SUGCT: variants seen among roughly 807,000 people sequenced by gnomAD.
SUGCT encodes the protein succinyl-CoA:glutarate-CoA transferase.
In SUGCT, 41 loss-of-function variants were observed where a neutral mutation model predicts 55.0. That is an observed-to-expected ratio of 0.74 (90% CI 0.58 to 0.97). The LOEUF (loss-of-function observed/expected upper bound fraction) is 0.97, where lower values mean the gene tolerates loss of function less well. Among genes scored for constraint, SUGCT ranks in the 50% least tolerant of loss-of-function variants. The pLI, the probability that SUGCT is intolerant of heterozygous loss-of-function variation, is 0.00. For missense variants in SUGCT, 568 were observed against 547.8 expected (o/e 1.04, Z -0.37); for synonymous variants, 187 against 200.4 (o/e 0.93, Z 0.56).
intron 13 of SUGCT, among the ~76,000 whole-genome samples, chr7:40,795,437 T>C (rs1790504182): frequency 6.6e-6 from 1 of 152,148 alleles, no homozygotes; most frequent in Non-Finnish European, 1.5e-5. Flanking sequence ...GCTTCTCTCC[T>C]AAAAACAGCT....
intron 12 of SUGCT, among the ~76,000 whole-genome samples, chr7:40,508,567 G>A (rs1792742409): frequency 6.6e-6 from 1 of 151,728 alleles, no homozygotes. Flanking sequence ...GAGCTTGGTA[G>A]TGATGGTGGA....
chr7:40,282,486 AAAAC>A (rs1471018352), intron 8 of SUGCT, among the ~76,000 whole-genome samples: 2 of 108,054 alleles, frequency 1.9e-5, no homozygotes, highest in Non-Finnish European at 4.4e-5. Context: ...TGAAAAAACA[AAAAC>A]AAAAACAAAC....
At chr7:40,872,533 C>T in the SUGCT span, among the ~76,000 whole-genome samples, 1 of 152,152 alleles carries the variant, frequency 6.6e-6, no homozygotes, top group Non-Finnish European at 1.5e-5. Flanking sequence ...TATAAGTTGT[C>T]CAAGCGACAC....
At chr7:40,185,659 A>G (rs1403745079) in intron 3 of SUGCT, among the ~76,000 whole-genome samples, 1 of 152,054 alleles carries the variant, frequency 6.6e-6, no homozygotes, top group African/African-American at 2.4e-5. Context: ...AGTAGTTGGG[A>G]TTACAGGCAT....
At chr7:40,925,257 T>A in the SUGCT span, among the ~76,000 whole-genome samples, 1 of 152,218 alleles carries the variant, frequency 6.6e-6, no homozygotes, top group Non-Finnish European at 1.5e-5. Context: ...AAATTCACAC[T>A]GAAAATGGTT....
the SUGCT span, among the ~76,000 whole-genome samples, chr7:40,867,035 C>A: frequency 6.6e-6 from 1 of 151,664 alleles, no homozygotes; most frequent in Non-Finnish European, 1.5e-5. Context: ...AAAGAGGACT[C>A]TGACAGTTGT....
At chr7:40,344,071 C>T (rs1797190767) in intron 9 of SUGCT, among the ~76,000 whole-genome samples, 1 of 152,132 alleles carries the variant, frequency 6.6e-6, no homozygotes, top group Non-Finnish European at 1.5e-5. Flanking sequence ...TGTGTTGGCT[C>T]CAGATGGTGA....
At chr7:40,582,777 T>G (rs1171327733) in intron 12 of SUGCT, among the ~76,000 whole-genome samples, 1 of 152,194 alleles carries the variant, frequency 6.6e-6, no homozygotes, top group Non-Finnish European at 1.5e-5. Flanking sequence ...GCTTCCTCAT[T>G]GGGTGGGCCC....
intron 12 of SUGCT, among the ~76,000 whole-genome samples, chr7:40,708,337 A>G (rs1015934616): frequency 6.6e-6 from 1 of 152,200 alleles, no homozygotes; most frequent in African/African-American, 2.4e-5. Context: ...TGCATTGAGT[A>G]TGTAGAGTGT....
chr7:40,392,136 G>C (rs918594062), intron 9 of SUGCT, among the ~76,000 whole-genome samples: 1 of 152,156 alleles, frequency 6.6e-6, no homozygotes, highest in African/African-American at 2.4e-5. Flanking sequence ...GCCTGTCGTG[G>C]AGTGGGGAGA....
intron 8 of SUGCT, among the ~76,000 whole-genome samples, chr7:40,287,490 C>A (rs1160143528): frequency 4.0e-5 from 6 of 149,562 alleles, no homozygotes; most frequent in Non-Finnish European, 7.4e-5. Flanking sequence ...GTGTTTTTTC[C>A]CTTGATACTC....
the SUGCT span, among the ~76,000 whole-genome samples, chr7:41,026,023 G>A: frequency 0.04 from 6,070 of 152,224 alleles, 240 homozygotes; most frequent in South Asian, 0.18. Context: ...ATTCACATCG[G>A]GATTTCTCTG....
chr7:40,634,095 A>G (rs1217045470), intron 12 of SUGCT, among the ~76,000 whole-genome samples: 1 of 152,182 alleles, frequency 6.6e-6, no homozygotes, highest in African/African-American at 2.4e-5. Context: ...AACACAAAGC[A>G]GGGAGTGCCT....
chr7:40,810,649 A>G (rs1791361886), intron 13 of SUGCT, among the ~76,000 whole-genome samples: 1 of 152,072 alleles, frequency 6.6e-6, no homozygotes, highest in South Asian at 2.1e-4. Flanking sequence ...TGTTCCTTAT[A>G]GATTCTAGGT....
chr7:40,233,991 C>G, intron 6 of SUGCT, among the ~76,000 whole-genome samples: 1 of 152,124 alleles, frequency 6.6e-6, no homozygotes, highest in South Asian at 2.1e-4. Flanking sequence ...GCAACTATTC[C>G]TTTTCTCTTT....
chr7:40,647,513 A>G (rs929450425), intron 12 of SUGCT, among the ~76,000 whole-genome samples: 3 of 152,174 alleles, frequency 2.0e-5, no homozygotes, highest in Non-Finnish European at 2.9e-5. Context: ...GACAAGCCCT[A>G]TCATATATCC....
At chr7:40,227,317 G>C (rs1023376669) in intron 6 of SUGCT, among the ~76,000 whole-genome samples, 1 of 151,838 alleles carries the variant, frequency 6.6e-6, no homozygotes, top group Non-Finnish European at 1.5e-5. Context: ...CCCAAAGTGC[G>C]GGGATTACAG....
intron 11 of SUGCT, among the ~76,000 whole-genome samples, chr7:40,492,209 G>T (rs1391177393): frequency 6.6e-6 from 1 of 152,072 alleles, no homozygotes; most frequent in African/African-American, 2.4e-5. Context: ...CAGAGGCTCG[G>T]GAGTGATGGT....
intron 1 of SUGCT, among the ~76,000 whole-genome samples, chr7:40,162,129 C>G (rs1784190585): frequency 6.6e-6 from 1 of 152,110 alleles, no homozygotes; most frequent in African/African-American, 2.4e-5. Flanking sequence ...ATCTCCTGAC[C>G]TCGTGATCCG....
Sources: gnomAD v4.1 joint callset for allele counts (sites outside exome capture counted in the v4.1 genomes callset) on GRCh38, gnomAD v4.1.1 for gene constraint, MANE v1.5 for transcripts, NCBI Gene and HGNC (gene_info 2026-07-23, HGNC 2026-07-21) for gene names.